YTHDC2: variants seen among roughly 807,000 people sequenced by gnomAD.
YTHDC2 encodes the protein YTH N6-methyladenosine RNA binding protein C2.
YTHDC2 carries 45 observed loss-of-function variants against 174.9 expected under a neutral mutation model. That is an observed-to-expected ratio of 0.26 (90% CI 0.20 to 0.33). The LOEUF (loss-of-function observed/expected upper bound fraction) is 0.33, where lower values mean the gene tolerates loss of function less well. Ranked by LOEUF, YTHDC2 falls within the 10% of genes least tolerant of loss-of-function variation. The probability of loss-of-function intolerance (pLI) is 1.00; values close to 1 mark genes in which losing one functional copy is unlikely to be tolerated. For missense variants in YTHDC2, 1,650 were observed against 1,723.7 expected (o/e 0.96, Z 0.76); for synonymous variants, 657 against 574.5 (o/e 1.14, Z -2.05).
In YTHDC2 at chr5:113,556,001, C is replaced by G. The variant is rs1326542265; in HGVS notation, c.2134-51C>G. On this transcript the variant is annotated intron_variant, in intron 16 of 29. Coordinates refer to ENST00000161863, the MANE Select transcript of YTHDC2 (RefSeq NM_022828.5). ...TATGTTGATAACATTCTTGCTATTA[C>G]CTTTTAAATACCTTTTATATTCTAA... is the stretch of plus-strand genomic sequence containing the variant. 3 of 1,145,022 alleles carry G rather than the reference C, an allele frequency of 2.6e-6. No homozygotes were observed. In the Admixed American group the frequency reaches 5.8e-5, roughly 22 times the overall value. The allele number at this position is 1,145,022 out of a possible 1,614,324, so 70.9% of individuals were successfully genotyped here.
chr5:113,586,766 T>C (rs550269243), intron 26 of YTHDC2, among the ~76,000 whole-genome samples: 39 of 149,894 alleles, frequency 2.6e-4, no homozygotes, highest in African/African-American at 7.5e-4. Context: ...ATTTGTTTTT[T>C]TCCATTGAGT....
At position 113,594,650 on chromosome 5, in the gene YTHDC2, T is replaced by G. The variant is rs1461446359; in HGVS notation, c.*1176T>G. 1.3e-5 allele frequency: 2 copies of G among 152,102 alleles called. No homozygotes were observed. Among genetic ancestry groups the G allele is most frequent in the African/African-American group, 4.8e-5 (2 of 41,434 alleles). 9.4% of individuals were successfully genotyped at this position (152,102 alleles called of 1,614,324 possible). On this transcript the variant is annotated 3_prime_UTR_variant, in exon 30 of 30. Transcript: ENST00000161863. ...CCTTAGAGACTTTTTGAAGGGAAAA[T>G]AGAGCAACAGGGAAAAATGAAAGAA...
At chr5:113,535,882 T>C in intron 7 of YTHDC2, 84 bp downstream of exon 7, 1 of 1,192,676 alleles carries the variant, frequency 8.4e-7, no homozygotes, top group Non-Finnish European at 1.1e-6. Flanking sequence ...AACTGGGGAA[T>C]GTTCTGAAGT....
Position 113,589,408 on chromosome 5 carries a change from A to AATATATAT in YTHDC2, c.3826-1616_3826-1609dup, listed in dbSNP as rs34243829. Among the ~76,000 whole-genome samples the AATATATAT allele has an allele frequency of 1.8e-3, 219 of 123,218 alleles. 1 individual carries two copies. The highest frequency in any genetic ancestry group is 4.3e-3 in the Middle Eastern group (1 of 230). 80.8% of individuals were successfully genotyped at this position (123,218 alleles called of 152,430 possible). ...TCTTTTAAAAATTAAAAAAAAAAAA[A>AATATATAT]ATATATATATATATATATATATATG... On this transcript the variant is annotated intron_variant, in intron 26 of 29. Coordinates refer to ENST00000161863, the MANE Select transcript of YTHDC2 (RefSeq NM_022828.5).
At chr5:113,518,187 G>GT (rs1201792684) in intron 2 of YTHDC2, among the ~76,000 whole-genome samples, 55 of 113,280 alleles carry the variant, frequency 4.9e-4, no homozygotes, top group Middle Eastern at 6.2e-3. Flanking sequence ...TGCACCTGGC[G>GT]TTTTTTTGTT....
At chr5:113,542,843 TTTA>T (rs1775583301) in intron 10 of YTHDC2, among the ~76,000 whole-genome samples, 1 of 152,214 alleles carries the variant, frequency 6.6e-6, no homozygotes, top group Non-Finnish European at 1.5e-5. Flanking sequence ...ATGTCAAGTA[TTTA>T]TTATTTCACC....
At chr5:113,583,091 C>G (rs944437511) in intron 25 of YTHDC2, 2 of 152,120 alleles carry the variant, frequency 1.3e-5, no homozygotes, top group African/African-American at 4.8e-5. Context: ...CTGTTAGATT[C>G]AAGAAACGTG....
At chr5:113,525,733 G>A (rs755500009) in intron 3 of YTHDC2, among the ~76,000 whole-genome samples, 21 of 151,950 alleles carry the variant, frequency 1.4e-4, no homozygotes, top group Non-Finnish European at 7.4e-5. Flanking sequence ...TAATGTATTT[G>A]GGTTATAAAA....
chr5:113,524,264 G>A (rs909800889), intron 2 of YTHDC2, among the ~76,000 whole-genome samples: 4 of 152,012 alleles, frequency 2.6e-5, no homozygotes, highest in African/African-American at 9.7e-5. Flanking sequence ...GGAAATTCCT[G>A]GTATATAACA....
At chr5:113,535,286 G>A (rs1282775867) in intron 6 of YTHDC2, among the ~76,000 whole-genome samples, 3 of 151,998 alleles carry the variant, frequency 2.0e-5, no homozygotes, top group Non-Finnish European at 4.4e-5. Context: ...AGGTAATATA[G>A]GTAGTCTAGA....
chr5:113,518,987 T>C (rs1043793395), intron 2 of YTHDC2, among the ~76,000 whole-genome samples: 5 of 152,020 alleles, frequency 3.3e-5, no homozygotes, highest in Non-Finnish European at 5.9e-5. Flanking sequence ...GCTCAGGCTT[T>C]CCTCGCAAGT....
At position 113,571,048 on chromosome 5, in the gene YTHDC2, G is replaced by A. The variant is rs111996235; in HGVS notation, c.3244+3199G>A. Among the ~76,000 whole-genome samples, 1,286 of 152,256 alleles carry A rather than the reference G, an allele frequency of 8.4e-3. 9 individuals are homozygous for A. The highest frequency in any genetic ancestry group is 0.014 in the Non-Finnish European group (933 of 68,016). ...AAGAGTGATGAGAGAGGACATCCTT[G>A]TACTGTGACAGTTTTCAAGGAGAAT... On this transcript the variant is annotated intron_variant, in intron 23 of 29. Transcript: ENST00000161863.
intron 17 of YTHDC2, among the ~76,000 whole-genome samples, chr5:113,556,736 T>G (rs747088136): frequency 6.6e-6 from 1 of 152,222 alleles, no homozygotes; most frequent in Non-Finnish European, 1.5e-5. Context: ...AGAGTGCAAT[T>G]TGAAACTATT....
At chr5:113,581,796 T>C in intron 25 of YTHDC2, 87 bp downstream of exon 25, 1 of 1,160,952 alleles carries the variant, frequency 8.6e-7, no homozygotes, top group Non-Finnish European at 1.1e-6. Flanking sequence ...TTTTATAATA[T>C]TTAAAAATTA....
chr5:113,550,373 A>G (rs1776169068), intron 12 of YTHDC2, among the ~76,000 whole-genome samples: 1 of 152,212 alleles, frequency 6.6e-6, no homozygotes, highest in Admixed American at 6.6e-5. Flanking sequence ...CAGAAAACTA[A>G]GCAAATAAAA....
intron 2 of YTHDC2, among the ~76,000 whole-genome samples, chr5:113,517,133 G>A (rs1250245380): frequency 1.3e-5 from 2 of 152,070 alleles, no homozygotes; most frequent in African/African-American, 4.8e-5. Flanking sequence ...ATAAAATATG[G>A]CCATCACCTT....
chr5:113,548,645 C>T lies in YTHDC2; in HGVS notation c.1600C>T (p.His534Tyr), dbSNP rs1776047378. The change falls in exon 11 of 30, where the codon CAT (histidine) becomes TAT (tyrosine). Residue 534 changes from histidine to tyrosine, a missense_variant. Around this residue, in one of 5 missense-constraint regions of YTHDC2, gnomAD observed 411 missense variants for 380.6 expected, o/e 1.08. Transcript: ENST00000161863. ...EQLISMGANVHSKASNGWMAL... is the reference protein window; with the variant it reads ...EQLISMGANVYSKASNGWMAL... ...GTTAATCAGTATGGGAGCCAATGTCCATAGTAAAGCATCAAATGGCTGGTA... is the reference window on the plus strand; with the variant it reads ...GTTAATCAGTATGGGAGCCAATGTCTATAGTAAAGCATCAAATGGCTGGTA... 2 of 1,609,994 alleles carry T rather than the reference C, an allele frequency of 1.2e-6. No homozygotes were observed. Among genetic ancestry groups the T allele is most frequent in the African/African-American group, 1.3e-5 (1 of 74,870 alleles).
At chr5:113,585,029 T>C (rs1265593691) in intron 26 of YTHDC2, among the ~76,000 whole-genome samples, 1 of 151,800 alleles carries the variant, frequency 6.6e-6, no homozygotes, top group East Asian at 1.9e-4. Flanking sequence ...GATCTTCCCA[T>C]CTCAGCCTCC....
At chr5:113,539,903 A>C (rs35526509) in intron 8 of YTHDC2, among the ~76,000 whole-genome samples, 1 of 151,686 alleles carries the variant, frequency 6.6e-6, no homozygotes, top group Admixed American at 6.6e-5. Context: ...AAAAAAAATT[A>C]AAAAAAAATT....
Sources: gnomAD v4.1 joint callset for allele counts (sites outside exome capture counted in the v4.1 genomes callset) on GRCh38, gnomAD v4.1.1 for gene constraint, gnomAD v4.1.1 regional missense constraint, MANE v1.5 for transcripts, NCBI Gene and HGNC (gene_info 2026-07-23, HGNC 2026-07-21) for gene names.